MEMO1: variants seen among roughly 807,000 people sequenced by gnomAD.
MEMO1 encodes protein MEMO1.
Under a neutral mutation model 45.2 loss-of-function variants are expected in MEMO1, and 6 were observed. The ratio of observed to expected loss-of-function variants is 0.13; its 90% CI spans 0.07 to 0.26. MEMO1 has a LOEUF of 0.26. Among genes scored for constraint, MEMO1 ranks in the 10% least tolerant of loss-of-function variants. The pLI is 1.00. For missense variants in MEMO1, 184 were observed against 370.5 expected (o/e 0.50, Z 4.13); for synonymous variants, 78 against 124.3 (o/e 0.63, Z 2.48).
chr2:31,869,986 AT>A, intron 8 of MEMO1, 34 bp from the exon 9 acceptor site: 1 of 1,392,470 alleles, frequency 7.2e-7, no homozygotes, highest in Non-Finnish European at 9.6e-7. Flanking sequence ...GAAGAAAAAA[AT>A]AAAAGAAGAA....
At chr2:31,969,379 A>ATG (rs1491182389) in intron 2 of MEMO1, among the ~76,000 whole-genome samples, 1 of 149,702 alleles carries the variant, frequency 6.7e-6, no homozygotes, top group Non-Finnish European at 1.5e-5. Context: ...ATATATACAC[A>ATG]TGTGTATATA....
intron 2 of MEMO1, among the ~76,000 whole-genome samples, chr2:31,968,278 G>C (rs774986575): frequency 6.6e-6 from 1 of 152,166 alleles, no homozygotes; most frequent in African/African-American, 2.4e-5. Flanking sequence ...GGGGAAATAC[G>C]GGAATAGGAT....
rs1348045265 is a variant in MEMO1 at position 32,010,172 on chromosome 2, G to A, written c.61+15C>T. 5.7e-5 allele frequency: 76 copies of A among 1,332,210 alleles called. No individual in the cohort carries two copies. Among genetic ancestry groups the A allele is most frequent in the Middle Eastern group, 2.9e-4 (1 of 3,442 alleles). The allele number at this position is 1,332,210 out of a possible 1,614,324, so 82.5% of individuals were successfully genotyped here. ...CGGCGACGGCGGCGGGCGGGCCGGC[G>A]GCCTGGGGCCCTACCTGAGGCTGTG... is the stretch of plus-strand genomic sequence containing the variant. On this transcript the variant is annotated intron_variant, in intron 2 of 9. Coordinates refer to ENST00000404530, the MANE Select transcript of MEMO1 (RefSeq NM_001301833.4).
At chr2:31,952,445 C>T (rs1486764180) in intron 2 of MEMO1, among the ~76,000 whole-genome samples, 1 of 152,156 alleles carries the variant, frequency 6.6e-6, no homozygotes, top group East Asian at 1.9e-4. Flanking sequence ...AAAACCAATT[C>T]CATTGGCATT....
rs1676072404 is a variant in MEMO1, at chr2:31,885,570, T to C, written c.581-2108A>G. Among the ~76,000 whole-genome samples, 6 of 152,370 alleles carry C rather than the reference T, an allele frequency of 3.9e-5. No homozygotes were observed. In the South Asian group the frequency reaches 1.2e-3, roughly 32 times the overall value. ...TATTTTGACAAAGCTGTCCAAAATC[T>C]TTCTGAAACAAATGAACACCTTAGA... On this transcript the variant is annotated intron_variant, in intron 7 of 9. Coordinates refer to ENST00000404530, the MANE Select transcript of MEMO1 (RefSeq NM_001301833.4).
intron 8 of MEMO1, among the ~76,000 whole-genome samples, chr2:31,876,270 T>C (rs1674551873): frequency 6.6e-6 from 1 of 152,158 alleles, no homozygotes; most frequent in African/African-American, 2.4e-5. Context: ...TTCTCCTGTC[T>C]AAAATGCTCT....
intron 6 of MEMO1, 39 bp downstream of exon 6, chr2:31,917,887 C>A (rs771104594): frequency 7.4e-7 from 1 of 1,357,838 alleles, no homozygotes; most frequent in Non-Finnish European, 1.0e-6. Context: ...AAATTAATGT[C>A]TATGATTTCC....
At chr2:31,899,251 A>C (rs1001863679) in intron 6 of MEMO1, among the ~76,000 whole-genome samples, 2 of 152,322 alleles carry the variant, frequency 1.3e-5, no homozygotes, top group African/African-American at 4.8e-5. Flanking sequence ...AAAAGAACAA[A>C]GCTGGAAGCA....
chr2:31,967,327 A>G (rs548352249), intron 2 of MEMO1, among the ~76,000 whole-genome samples: 1 of 152,096 alleles, frequency 6.6e-6, no homozygotes, highest in East Asian at 1.9e-4. Flanking sequence ...GGGTTTCACC[A>G]TGTTAGCCAG....
intron 2 of MEMO1, among the ~76,000 whole-genome samples, chr2:32,007,090 G>A (rs1674186175): frequency 6.6e-6 from 1 of 151,920 alleles, no homozygotes; most frequent in Non-Finnish European, 1.5e-5. Flanking sequence ...ACTCTCAACT[G>A]AGTAAGTCCA....
chr2:31,973,774 T>C (rs6733630), intron 2 of MEMO1, among the ~76,000 whole-genome samples: 18,907 of 152,066 alleles, frequency 0.12, 1,275 homozygotes, highest in Middle Eastern at 0.21. Context: ...GGTAAATCCA[T>C]AGAAACAGAA....
At chr2:31,998,670 G>A (rs922426646) in intron 2 of MEMO1, among the ~76,000 whole-genome samples, 2 of 151,934 alleles carry the variant, frequency 1.3e-5, no homozygotes, top group African/African-American at 4.8e-5. Flanking sequence ...CATGGTGGTG[G>A]GCGCCTGTAA....
At chr2:31,885,468 G>A (rs762635098) in intron 7 of MEMO1, among the ~76,000 whole-genome samples, 3 of 152,160 alleles carry the variant, frequency 2.0e-5, no homozygotes, top group Non-Finnish European at 2.9e-5. Flanking sequence ...GCTGCTCAGT[G>A]CCAAATCTAA....
intron 2 of MEMO1, among the ~76,000 whole-genome samples, chr2:32,009,809 G>A (rs1440609176): frequency 1.3e-5 from 2 of 152,116 alleles, no homozygotes; most frequent in African/African-American, 4.8e-5. Flanking sequence ...CCCGGGGGTG[G>A]CAGCGGCCGG....
chr2:31,901,229 C>T (rs1286713552), intron 6 of MEMO1, among the ~76,000 whole-genome samples: 3 of 151,554 alleles, frequency 2.0e-5, no homozygotes, highest in African/African-American at 2.4e-5. Context: ...AAAAATTAGC[C>T]GGGTGTGGTG....
At chr2:31,977,688 C>T (rs768977667) in intron 2 of MEMO1, among the ~76,000 whole-genome samples, 12 of 151,914 alleles carry the variant, frequency 7.9e-5, no homozygotes, top group Non-Finnish European at 1.2e-4. Flanking sequence ...GCCACCACCA[C>T]GCCTGGCTAA....
chr2:31,874,222 G>A (rs1674224580), intron 8 of MEMO1, among the ~76,000 whole-genome samples: 2 of 152,172 alleles, frequency 1.3e-5, no homozygotes, highest in Non-Finnish European at 2.9e-5. Context: ...CATCTCATAT[G>A]AATAACTATG....
chr2:31,921,528 A>G (rs1682309128), intron 4 of MEMO1, among the ~76,000 whole-genome samples: 1 of 152,178 alleles, frequency 6.6e-6, no homozygotes. Context: ...CTATACTCTC[A>G]ATGACAAGGA....
At chr2:31,915,249 T>C (rs1428466939) in intron 6 of MEMO1, among the ~76,000 whole-genome samples, 1 of 152,118 alleles carries the variant, frequency 6.6e-6, no homozygotes, top group Admixed American at 6.5e-5. Context: ...GCAAGTAAGA[T>C]TTCTGAACAT....
Sources: allele counts gnomAD v4.1 joint callset (sites outside exome capture counted in the v4.1 genomes callset), GRCh38; gene constraint gnomAD v4.1.1; transcripts MANE v1.5; gene names NCBI Gene and HGNC (gene_info 2026-07-23, HGNC 2026-07-21).